SEMA5A: variants seen among roughly 807,000 people sequenced by gnomAD.
SEMA5A encodes the protein semaphorin-5A.
A neutral mutation model predicts 135.5 loss-of-function variants in SEMA5A; 55 were observed. The ratio of observed to expected loss-of-function variants is 0.41; its 90% CI spans 0.33 to 0.51. The LOEUF (loss-of-function observed/expected upper bound fraction) is 0.51. Ranked by LOEUF, SEMA5A falls within the 20% of genes least tolerant of loss-of-function variation. The pLI is 0.37. For synonymous variants in SEMA5A, 580 were observed against 546.5 expected (o/e 1.06, Z -0.85); for missense variants, 1,290 against 1,419.9 (o/e 0.91, Z 1.47).
At position 9,280,922 on chromosome 5, in the gene SEMA5A, A is replaced by G. The variant is rs1318953258; in HGVS notation, c.270+37450T>C. 5 of 204,802 alleles carry G rather than the reference A, an allele frequency of 2.4e-5. No individual in the cohort carries two copies. The East Asian group carries it at 6.5e-4, about 27-fold the overall frequency. 12.7% of individuals were successfully genotyped at this position (204,802 alleles called of 1,614,324 possible). On this transcript the variant is annotated intron_variant, in intron 5 of 22. Transcript: ENST00000382496. ...TACAATTTAAATAATTCCTCCGTTA[A>G]TTTAACCCAATTCTTCATTAATAAT...
At chr5:9,218,629 A>C (rs778021433) in intron 8 of SEMA5A, among the ~76,000 whole-genome samples, 3 of 152,088 alleles carry the variant, frequency 2.0e-5, no homozygotes, top group Non-Finnish European at 2.9e-5. Context: ...CTCAACACAA[A>C]AATGTTGCAA....
Position 9,234,279 on chromosome 5 carries a change from AG to A in SEMA5A, c.333+3548del, listed in dbSNP as rs200621343. On this transcript the variant is annotated intron_variant, in intron 6 of 22. Coordinates refer to ENST00000382496, the MANE Select transcript of SEMA5A (RefSeq NM_003966.3). ...ATTTGGTCCAGTTGCCCCTGTTCAT[AG>A]GGGCTGCCTTGTTTCTTTCCCTTCT... Among the ~76,000 whole-genome samples the A allele has an allele frequency of 3.0e-3, 461 of 152,304 alleles. 2 individuals are homozygous for A. Among genetic ancestry groups the A allele is most frequent in the African/African-American group, 0.011 (438 of 41,584 alleles).
chr5:9,528,679 G>C (rs1737270923), intron 1 of SEMA5A, among the ~76,000 whole-genome samples: 1 of 152,128 alleles, frequency 6.6e-6, no homozygotes, highest in Non-Finnish European at 1.5e-5. Context: ...TACTGCATGA[G>C]GCCCAAGGAG....
At chr5:9,045,366 T>A (rs1318905378) in intron 21 of SEMA5A, among the ~76,000 whole-genome samples, 2 of 152,250 alleles carry the variant, frequency 1.3e-5, no homozygotes, top group Non-Finnish European at 2.9e-5. Flanking sequence ...CAAGCCAGAC[T>A]GCTTTTAGCT....
At chr5:9,142,408 G>T (rs960069905) in intron 12 of SEMA5A, among the ~76,000 whole-genome samples, 1 of 152,164 alleles carries the variant, frequency 6.6e-6, no homozygotes, top group Non-Finnish European at 1.5e-5. Flanking sequence ...CTTGAGGAGA[G>T]AAATGGGCAG....
chr5:9,300,410 C>G (rs1751560715), intron 5 of SEMA5A, among the ~76,000 whole-genome samples: 1 of 152,134 alleles, frequency 6.6e-6, no homozygotes, highest in Admixed American at 6.5e-5. Context: ...CCTACATTTC[C>G]ATAGTGCTGA....
At chr5:9,397,021 A>G (rs1351265216) in intron 2 of SEMA5A, among the ~76,000 whole-genome samples, 1 of 151,358 alleles carries the variant, frequency 6.6e-6, no homozygotes, top group Non-Finnish European at 1.5e-5. Context: ...GAAGAGGGAA[A>G]TAGTTCTATA....
intron 2 of SEMA5A, among the ~76,000 whole-genome samples, chr5:9,384,226 C>G (rs1028722795): frequency 1.4e-4 from 22 of 152,206 alleles, no homozygotes; most frequent in African/African-American, 4.8e-4. Flanking sequence ...TAAATAGACT[C>G]AGCTCTAAAT....
chr5:9,225,393 A>G (rs1238324115), intron 7 of SEMA5A, among the ~76,000 whole-genome samples: 1 of 99,118 alleles, frequency 1.0e-5, no homozygotes, highest in African/African-American at 3.5e-5. Flanking sequence ...CTCTACTAAA[A>G]AAAAAAAAAA....
chr5:9,175,488 C>T (rs1744153940), intron 11 of SEMA5A, among the ~76,000 whole-genome samples: 1 of 152,134 alleles, frequency 6.6e-6, no homozygotes, highest in Non-Finnish European at 1.5e-5. Flanking sequence ...TTAACACTGA[C>T]AGGTAGGGGT....
At chr5:9,538,320 G>A (rs912432291) in intron 1 of SEMA5A, among the ~76,000 whole-genome samples, 2 of 152,064 alleles carry the variant, frequency 1.3e-5, no homozygotes, top group African/African-American at 2.4e-5. Flanking sequence ...AAATACTCAG[G>A]CTCTGGGCAT....
intron 3 of SEMA5A, among the ~76,000 whole-genome samples, chr5:9,356,826 A>C (rs904749184): frequency 2.6e-5 from 4 of 152,268 alleles, no homozygotes; most frequent in South Asian, 2.1e-4. Context: ...TAAAGCAGTT[A>C]TTGTCTAAGT....
At chr5:9,520,505 C>T (rs934253249) in intron 1 of SEMA5A, among the ~76,000 whole-genome samples, 1 of 151,968 alleles carries the variant, frequency 6.6e-6, no homozygotes, top group African/African-American at 2.4e-5. Context: ...GACAGGAGCT[C>T]AGAGCAGGGA....
At chr5:9,230,497 A>G (rs1402863300) in intron 6 of SEMA5A, among the ~76,000 whole-genome samples, 1 of 152,120 alleles carries the variant, frequency 6.6e-6, no homozygotes, top group African/African-American at 2.4e-5. Context: ...TAGGGCAGAG[A>G]ATGAAAGAGC....
chr5:9,192,199 A>T (rs1745147321), intron 10 of SEMA5A, among the ~76,000 whole-genome samples: 1 of 152,244 alleles, frequency 6.6e-6, no homozygotes, highest in South Asian at 2.1e-4. Context: ...CTCTCAAGCC[A>T]CATGGAATCA....
chr5:9,246,515 A>G (rs1414651417), intron 5 of SEMA5A, among the ~76,000 whole-genome samples: 4 of 152,214 alleles, frequency 2.6e-5, no homozygotes, highest in Non-Finnish European at 5.9e-5. Flanking sequence ...ACTGTTCAAC[A>G]GAAATGTTTG....
At chr5:9,460,028 G>T (rs1579576860) in intron 1 of SEMA5A, among the ~76,000 whole-genome samples, 1 of 152,144 alleles carries the variant, frequency 6.6e-6, no homozygotes, top group East Asian at 1.9e-4. Context: ...ATCAGCATTT[G>T]ATCATTAGTT....
intron 2 of SEMA5A, among the ~76,000 whole-genome samples, chr5:9,430,153 G>C (rs945755545): frequency 6.6e-6 from 1 of 152,192 alleles, no homozygotes; most frequent in African/African-American, 2.4e-5. Context: ...GACAGAGAAA[G>C]AGAATAATCA....
chr5:9,414,450 A>G (rs1046477318), intron 2 of SEMA5A, among the ~76,000 whole-genome samples: 1 of 152,230 alleles, frequency 6.6e-6, no homozygotes, highest in African/African-American at 2.4e-5. Context: ...TTGATGACAC[A>G]GATCTACATC....
Sources: allele counts gnomAD v4.1 joint callset (sites outside exome capture counted in the v4.1 genomes callset), GRCh38; gene constraint gnomAD v4.1.1; transcripts MANE v1.5; gene names NCBI Gene and HGNC (gene_info 2026-07-23, HGNC 2026-07-21).